The following ZNF777 variants were observed in gnomAD, a reference collection of about 807,000 sequenced individuals.
ZNF777 encodes zinc finger protein 777.
In ZNF777, 7 loss-of-function variants were observed where a neutral mutation model predicts 72.1. The ratio of observed to expected loss-of-function variants is 0.10; its 90% CI spans 0.06 to 0.18. The LOEUF (loss-of-function observed/expected upper bound fraction) is 0.18. Among genes scored for constraint, ZNF777 ranks in the 10% least tolerant of loss-of-function variants. The probability of loss-of-function intolerance (pLI) is 1.00; values close to 1 mark genes in which losing one functional copy is unlikely to be tolerated. For missense variants in ZNF777, 828 were observed against 1,128.6 expected (o/e 0.73, Z 3.82); for synonymous variants, 545 against 483.5 (o/e 1.13, Z -1.67).
At position 149,432,756 on chromosome 7, in the gene ZNF777, G is replaced by A. The variant is rs1453820610; in HGVS notation, c.1516C>T (p.Leu506=). The A allele has an allele frequency of 1.9e-6, 3 of 1,610,888 alleles. No homozygotes were observed. The highest frequency in any genetic ancestry group is 2.5e-6 in the Non-Finnish European group (3 of 1,177,772). The change falls in exon 6 of 6, where the codon CTG becomes TTG. Residue 506 remains leucine (L), a synonymous_variant. Transcript: ENST00000247930. ...TTCACTGCGGGGTTTCCTAGCTGCA[G>A]GGGCGGGGGGCTCTCCTCGCCCTCG... ...SPEGEESPPP[L]QLGNPAVKRL... is the part of the protein sequence containing the mutation.
rs116935528 is a variant in ZNF777 at position 149,452,975 on chromosome 7, G to A, written c.973+1136C>T. Among the ~76,000 whole-genome samples, 1,487 of 152,302 alleles carry A rather than the reference G, an allele frequency of 9.8e-3. 11 individuals are homozygous for A. The highest frequency in any genetic ancestry group is 0.028 in the Admixed American group (431 of 15,306). Reference sequence around the variant, plus strand: ...CAGCAGACAGGTCAAAAGCCCTAATGGTTCACGTGGAACACTGCACTGTCT... The same window carrying A: ...CAGCAGACAGGTCAAAAGCCCTAATAGTTCACGTGGAACACTGCACTGTCT... On this transcript the variant is annotated intron_variant, in intron 3 of 5. Transcript: ENST00000247930.
chr7:149,433,029 A>C, intron 5 of ZNF777, 97 bp from the exon 6 acceptor site: 1 of 1,404,982 alleles, frequency 7.1e-7, no homozygotes, highest in Non-Finnish European at 9.3e-7. Flanking sequence ...TCACCAAAAC[A>C]TTGCATTATT....
intron 4 of ZNF777, among the ~76,000 whole-genome samples, chr7:149,448,834 C>G (rs1799664384): frequency 6.6e-6 from 1 of 151,856 alleles, no homozygotes; most frequent in Non-Finnish European, 1.5e-5. Context: ...AGCCCCTGTT[C>G]TGAGTATTTG....
intron 4 of ZNF777, among the ~76,000 whole-genome samples, chr7:149,442,040 A>C (rs530698163): frequency 1.3e-5 from 2 of 151,480 alleles, no homozygotes; most frequent in East Asian, 3.9e-4. Context: ...TCGTGGTGAA[A>C]CTTCGTCTCT....
Position 149,455,928 on chromosome 7 carries a change from A to G in ZNF777, c.95T>C (p.Leu32Pro). 6.2e-7 allele frequency: 1 copy of G among 1,612,094 alleles called. No homozygotes were observed. The change falls in exon 2 of 6, where the codon CTG becomes CCG. Residue 32 changes from leucine (L) to proline (P), a missense_variant. This residue lies in a region of ZNF777 where 222 missense variants were observed against 211.2 expected (regional missense o/e 1.05). Transcript: ENST00000247930. This position sits in a 1 kb window ranked among gnomAD's most constrained non-coding sequence, Gnocchi z 4.2. ...QAPAGLPRET[L>P]FQSRVLPPKE... The stretch of plus-strand genomic sequence containing the variant: ...GGGAGGAAGAACGCGGGATTGGAAC[A>G]GAGTTTCTCGGGGGAGTCCAGCAGG...
Position 149,432,241 on chromosome 7 carries a change from G to C in ZNF777, c.2031C>G (p.Ile677Met). The change falls in exon 6 of 6, where the codon ATC becomes ATG. Residue 677 changes from isoleucine to methionine, a missense_variant. Physicochemically the swap from Ile to Met is conservative, Grantham distance 10. This residue lies in a region of ZNF777 where 26 missense variants were observed against 62.1 expected (regional missense o/e 0.42). Coordinates refer to ENST00000247930, the MANE Select transcript of ZNF777 (RefSeq NM_015694.3). ...GCACGCGCTGATGGATCACCAAGCT[G>C]ATGTGCAGGCGGAAGCTCTTCTTGC... The part of the protein sequence containing the change: ...PECKKSFRLH[I>M]SLVIHQRVHA... 6.2e-7 allele frequency: 1 copy of C among 1,608,000 alleles called. No homozygotes were observed. The highest frequency in any genetic ancestry group is 8.5e-7 in the Non-Finnish European group (1 of 1,179,626).
rs1173529496 is a variant in ZNF777 at position 149,431,546 on chromosome 7, G to T, written c.*230C>A. On this transcript the variant is annotated 3_prime_UTR_variant, in exon 6 of 6. Coordinates refer to ENST00000247930, the MANE Select transcript of ZNF777 (RefSeq NM_015694.3). ...GTCAAGGAAATTAACAGCCCGAAAG[G>T]GTTCCCCAGGTCCGCGCCCTCCCCC... The T allele has an allele frequency of 2.2e-6, 1 of 460,056 alleles. No individual in the cohort carries two copies. The highest frequency in any genetic ancestry group is 4.3e-6 in the Non-Finnish European group (1 of 233,402). The allele number at this position is 460,056 out of a possible 1,614,324, so 28.5% of individuals were successfully genotyped here.
At chr7:149,454,517 T>C (rs1381406127) in intron 2 of ZNF777, among the ~76,000 whole-genome samples, 2 of 152,216 alleles carry the variant, frequency 1.3e-5, no homozygotes, top group Non-Finnish European at 2.9e-5. Context: ...ACCTACTAAA[T>C]AGCTTCTGCA....
At chr7:149,456,135 G>A (rs974630191) in intron 1 of ZNF777, 98 bp from the exon 2 acceptor site, 17 of 1,326,728 alleles carry the variant, frequency 1.3e-5, no homozygotes, top group African/African-American at 4.4e-5. Context: ...AAGTGCTTCC[G>A]TTTGGTAGCA....
At position 149,436,744 on chromosome 7, in the gene ZNF777, C is replaced by A; in HGVS notation, c.1170G>T (p.Met390Ile). ...SESLETPEPL[M>I]GQVEEHGFQD... ...GGAAGCCGTGCTCTTCCACCTGTCC[C>A]ATCAGGGGCTCAGGTGTCTCCAAAC... is the stretch of plus-strand genomic sequence containing the variant. The change falls in exon 5 of 6, where the codon ATG becomes ATT. Residue 390 changes from methionine (M) to isoleucine (I), a missense_variant. By Grantham distance (10) the Met-to-Ile change is conservative (BLOSUM62 1). Around this residue, in one of 12 missense-constraint regions of ZNF777, gnomAD observed 219 missense variants for 223.0 expected, o/e 0.98. Coordinates refer to ENST00000247930, the MANE Select transcript of ZNF777 (RefSeq NM_015694.3). The surrounding 1 kb of genome is among the most constrained non-coding windows in gnomAD (Gnocchi z 5.0). 1 of 1,614,188 alleles carries A rather than the reference C, an allele frequency of 6.2e-7. No individual in the cohort carries two copies. The highest frequency in any genetic ancestry group is 8.5e-7 in the Non-Finnish European group (1 of 1,180,034).
intron 4 of ZNF777, among the ~76,000 whole-genome samples, chr7:149,448,592 T>C (rs57209753): frequency 3.1e-5 from 3 of 97,214 alleles, no homozygotes; most frequent in African/African-American, 5.4e-5. Context: ...TATATATATA[T>C]ATATATATAT....
intron 5 of ZNF777, among the ~76,000 whole-genome samples, chr7:149,433,684 C>T (rs144548366): frequency 2.3e-4 from 35 of 152,356 alleles, no homozygotes; most frequent in African/African-American, 8.2e-4. Flanking sequence ...CAGCCTTTTG[C>T]AGCCTCTCAT....
intron 2 of ZNF777, among the ~76,000 whole-genome samples, 179 bp downstream of exon 2, chr7:149,454,998 G>T (rs1044822984): frequency 4.6e-5 from 7 of 152,242 alleles, no homozygotes; most frequent in African/African-American, 1.7e-4. Flanking sequence ...GGGCATTTCT[G>T]TACTAGCCTA....
rs533322347 is a variant in ZNF777 at position 149,436,145 on chromosome 7, C to T, written c.1339+430G>A. ...AAGACTAGGTTCGACCACAGAATGCCGGTGCTATTGTTATTTGAAAACCAT... is the reference window on the plus strand; with the variant it reads ...AAGACTAGGTTCGACCACAGAATGCTGGTGCTATTGTTATTTGAAAACCAT... On this transcript the variant is annotated intron_variant, in intron 5 of 5. Coordinates refer to ENST00000247930, the MANE Select transcript of ZNF777 (RefSeq NM_015694.3). The surrounding 1 kb of genome is among the most constrained non-coding windows in gnomAD (Gnocchi z 5.0). 6.0e-4 allele frequency among the ~76,000 whole-genome samples: 91 copies of T among 152,214 alleles called. No individual in the cohort carries two copies. The highest frequency in any genetic ancestry group is 3.4e-3 in the Middle Eastern group (1 of 294).
chr7:149,459,132 G>A (rs148372507), intron 1 of ZNF777, among the ~76,000 whole-genome samples: 3 of 152,218 alleles, frequency 2.0e-5, no homozygotes, highest in African/African-American at 4.8e-5. Context: ...ATTTTCTCAT[G>A]AGTTTTTTTT....
intron 4 of ZNF777, among the ~76,000 whole-genome samples, chr7:149,443,494 C>T (rs144415455): frequency 4.1e-4 from 62 of 152,210 alleles, no homozygotes; most frequent in African/African-American, 1.5e-3. Context: ...TCTCTACCAG[C>T]TCAAAGTAAA....
chr7:149,442,550 G>A (rs1799539073), intron 4 of ZNF777, among the ~76,000 whole-genome samples: 1 of 151,848 alleles, frequency 6.6e-6, no homozygotes, highest in East Asian at 1.9e-4. Context: ...AACCCAGGAG[G>A]TGGAGGTTGC....
At chr7:149,458,960 C>A (rs774702837) in intron 1 of ZNF777, among the ~76,000 whole-genome samples, 77 of 152,178 alleles carry the variant, frequency 5.1e-4, no homozygotes, top group Non-Finnish European at 9.0e-4. Context: ...AGGATTCATG[C>A]CACATTAGCA....
chr7:149,441,817 C>G (rs1050592529), intron 4 of ZNF777, among the ~76,000 whole-genome samples: 1 of 151,802 alleles, frequency 6.6e-6, no homozygotes, highest in African/African-American at 2.4e-5. Flanking sequence ...TTTTTGTTTT[C>G]TAGGGCAAAA....
Sources: gnomAD v4.1 joint callset for allele counts (sites outside exome capture counted in the v4.1 genomes callset) on GRCh38, gnomAD v4.1.1 for gene constraint, gnomAD v4.1.1 regional missense constraint, Gnocchi (gnomAD v3.1) non-coding constraint, MANE v1.5 for transcripts, NCBI Gene and HGNC (gene_info 2026-07-23, HGNC 2026-07-21) for gene names.